RTL4: variants seen among roughly 807,000 people sequenced by gnomAD.
RTL4 encodes retrotransposon Gag like 4.
Under a neutral mutation model 5.3 loss-of-function variants are expected in RTL4, and 4 were observed. That is an observed-to-expected ratio of 0.75 (90% CI 0.37 to 1.72). The LOEUF (loss-of-function observed/expected upper bound fraction) is 1.72. Among genes scored for constraint, RTL4 ranks in the 40% most tolerant of loss-of-function variants. The pLI, the probability that RTL4 is intolerant of heterozygous loss-of-function variation, is 0.04. For missense variants in RTL4, 260 were observed against 227.1 expected (o/e 1.14, Z -0.93); for synonymous variants, 98 against 87.3 (o/e 1.12, Z -0.68).
the RTL4 span, among the ~76,000 whole-genome samples, chrX:112,334,826 C>A: frequency 9.0e-6 from 1 of 111,157 alleles, no homozygotes; most frequent in Non-Finnish European, 1.9e-5. Flanking sequence ...CATTTAAATT[C>A]TCTTGTTTTT....
At chrX:112,373,284 A>G in the RTL4 span, among the ~76,000 whole-genome samples, 1 of 111,194 alleles carries the variant, frequency 9.0e-6, no homozygotes, top group Non-Finnish European at 1.9e-5. Flanking sequence ...CACCATGAAC[A>G]CTCAGTATCA....
the RTL4 span, among the ~76,000 whole-genome samples, chrX:112,106,956 C>T: frequency 4.5e-5 from 5 of 111,861 alleles, no homozygotes; most frequent in Non-Finnish European, 9.4e-5. Flanking sequence ...ATTTTTCCCA[C>T]TCTGCAGGCT....
the RTL4 span, among the ~76,000 whole-genome samples, chrX:112,237,280 G>A: frequency 8.9e-6 from 1 of 112,197 alleles, no homozygotes; most frequent in African/African-American, 3.2e-5. Context: ...TGGAAGGAAC[G>A]TGTGTGGTTT....
At chrX:112,406,598 G>A in the RTL4 span, among the ~76,000 whole-genome samples, 816 of 111,072 alleles carry the variant, frequency 7.3e-3, 7 homozygotes, top group African/African-American at 0.026. Flanking sequence ...CATGTGATTT[G>A]GTGGGAAAAC....
the RTL4 span, among the ~76,000 whole-genome samples, chrX:112,351,190 T>C: frequency 9.0e-6 from 1 of 110,998 alleles, no homozygotes; most frequent in Admixed American, 9.6e-5. Flanking sequence ...AGTGAGTTTC[T>C]TAATCCTGAG....
the RTL4 span, among the ~76,000 whole-genome samples, chrX:112,142,008 G>A: frequency 1.8e-5 from 2 of 111,443 alleles, no homozygotes; most frequent in African/African-American, 6.5e-5. Flanking sequence ...ACAAGGAACC[G>A]GGAAGATAAT....
At chrX:112,411,165 C>CA in the RTL4 span, among the ~76,000 whole-genome samples, 5 of 111,102 alleles carry the variant, frequency 4.5e-5, no homozygotes, top group Non-Finnish European at 9.5e-5. Context: ...TGAAGAAATC[C>CA]AAAATGGGAA....
At chrX:112,300,517 T>G in the RTL4 span, among the ~76,000 whole-genome samples, 1 of 112,271 alleles carries the variant, frequency 8.9e-6, no homozygotes, top group South Asian at 3.6e-4. Flanking sequence ...ATTTGAATAG[T>G]GTGGGCCCTA....
chrX:112,425,022 C>A, the RTL4 span, among the ~76,000 whole-genome samples: 1 of 111,039 alleles, frequency 9.0e-6, no homozygotes, highest in East Asian at 2.8e-4. Flanking sequence ...TAGCATGTAT[C>A]TATTGTTGTA....
At chrX:112,328,162 A>G in the RTL4 span, among the ~76,000 whole-genome samples, 4 of 110,198 alleles carry the variant, frequency 3.6e-5, no homozygotes, top group Non-Finnish European at 5.7e-5. Flanking sequence ...AACAATATTA[A>G]TTTTAAATGT....
chrX:112,420,585 A>G, the RTL4 span, among the ~76,000 whole-genome samples: 5 of 111,613 alleles, frequency 4.5e-5, no homozygotes, highest in Non-Finnish European at 5.6e-5. Context: ...GGCCAATTTT[A>G]AATGGAATTA....
At chrX:112,271,442 C>A in the RTL4 span, among the ~76,000 whole-genome samples, 4 of 113,130 alleles carry the variant, frequency 3.5e-5, no homozygotes, top group Non-Finnish European at 5.6e-5. Context: ...TAAATAATTT[C>A]TTTTGCCTGT....
the RTL4 span, among the ~76,000 whole-genome samples, chrX:112,320,893 A>T: frequency 5.4e-5 from 6 of 111,790 alleles, no homozygotes; most frequent in South Asian, 7.6e-4. Context: ...TTATGTAAAA[A>T]GTGTTTAGCT....
chrX:112,178,526 G>T, the RTL4 span, among the ~76,000 whole-genome samples: 1 of 111,938 alleles, frequency 8.9e-6, no homozygotes. Context: ...AAGGGTGTTT[G>T]TGAAGAGTTT....
chrX:112,258,707 AC>A, the RTL4 span, among the ~76,000 whole-genome samples: 1 of 110,965 alleles, frequency 9.0e-6, no homozygotes, highest in South Asian at 3.7e-4. Context: ...GATAATTGAA[AC>A]TTTTCTGTTT....
the RTL4 span, among the ~76,000 whole-genome samples, chrX:112,139,990 G>A: frequency 1.3e-4 from 15 of 112,085 alleles, no homozygotes; most frequent in Non-Finnish European, 2.4e-4. Context: ...TCCCAGCCAC[G>A]TGGAACTGTA....
chrX:112,273,125 A>G, the RTL4 span, among the ~76,000 whole-genome samples: 1 of 111,941 alleles, frequency 8.9e-6, no homozygotes, highest in African/African-American at 3.2e-5. Context: ...AAAGTCATAC[A>G]TATCTGGGAT....
the RTL4 span, among the ~76,000 whole-genome samples, chrX:112,226,964 A>G: frequency 1.8e-5 from 1 of 55,704 alleles, no homozygotes; most frequent in Non-Finnish European, 2.9e-5. Context: ...AATAAAATAA[A>G]ATAAAATAAT....
At chrX:112,096,076 C>T in the RTL4 span, among the ~76,000 whole-genome samples, 1 of 111,852 alleles carries the variant, frequency 8.9e-6, no homozygotes, top group African/African-American at 3.2e-5. Context: ...GTCAAACTGC[C>T]CAAGCTTGAA....
Sources: gnomAD v4.1 joint callset for allele counts (sites outside exome capture counted in the v4.1 genomes callset) on GRCh38, gnomAD v4.1.1 for gene constraint, MANE v1.5 for transcripts, NCBI Gene and HGNC (gene_info 2026-07-23, HGNC 2026-07-21) for gene names.